The following DPP6 variants were observed in gnomAD, a reference collection of about 807,000 sequenced individuals.
DPP6 encodes the protein dipeptidyl peptidase like 6.
A neutral mutation model predicts 122.6 loss-of-function variants in DPP6; 69 were observed. The observed-to-expected ratio is 0.56, with a 90% CI of 0.46 to 0.69. The LOEUF is 0.69. Among genes scored for constraint, DPP6 ranks in the 30% least tolerant of loss-of-function variants. DPP6 has a pLI of 0.00. For missense variants in DPP6, 928 were observed against 1,116.9 expected (o/e 0.83, Z 2.41); for synonymous variants, 418 against 433.1 (o/e 0.97, Z 0.43).
chr7:154,350,309 C>T (rs921731837), intron 1 of DPP6, among the ~76,000 whole-genome samples: 6 of 152,086 alleles, frequency 3.9e-5, no homozygotes, highest in African/African-American at 9.7e-5. Context: ...GGGAGGAACA[C>T]GGCCTTGAAG....
At chr7:153,757,041 G>A in the DPP6 span, among the ~76,000 whole-genome samples, 3 of 145,286 alleles carry the variant, frequency 2.1e-5, no homozygotes, top group Non-Finnish European at 4.5e-5. Flanking sequence ...ACCTCATGAA[G>A]GAAATAGAGT....
chr7:154,544,047 T>C (rs1432933162), intron 4 of DPP6, among the ~76,000 whole-genome samples: 2 of 147,522 alleles, frequency 1.4e-5, no homozygotes, highest in African/African-American at 2.5e-5. Flanking sequence ...TAAAATTCTA[T>C]GATGATTATA....
chr7:154,774,832 G>A (rs1290832281), intron 10 of DPP6, among the ~76,000 whole-genome samples: 1 of 152,210 alleles, frequency 6.6e-6, no homozygotes, highest in Non-Finnish European at 1.5e-5. Context: ...CCTGGATCCT[G>A]AAGAAGTCAT....
chr7:154,560,837 C>T (rs180858305), intron 4 of DPP6, among the ~76,000 whole-genome samples: 9 of 149,708 alleles, frequency 6.0e-5, no homozygotes, highest in Admixed American at 5.3e-4. Context: ...GAACTGAGAT[C>T]ATGCCACTGC....
intron 1 of DPP6, among the ~76,000 whole-genome samples, chr7:153,904,009 G>A (rs1040378463): frequency 6.6e-6 from 1 of 152,084 alleles, no homozygotes; most frequent in Admixed American, 6.6e-5. Context: ...GAGCAGGTGG[G>A]AAAGTATTTT....
intron 1 of DPP6, among the ~76,000 whole-genome samples, chr7:154,144,523 C>T (rs1167547751): frequency 4.6e-5 from 7 of 151,830 alleles, no homozygotes; most frequent in African/African-American, 1.4e-4. Flanking sequence ...AACCATCTTT[C>T]CTAAAACTAT....
chr7:154,665,444 G>C (rs988412620), intron 6 of DPP6, among the ~76,000 whole-genome samples: 2 of 152,132 alleles, frequency 1.3e-5, no homozygotes, highest in African/African-American at 4.8e-5. Flanking sequence ...TGAGTCATTA[G>C]AAACTCCTTT....
chr7:154,539,772 A>G (rs1318635069), intron 3 of DPP6, among the ~76,000 whole-genome samples: 1 of 148,750 alleles, frequency 6.7e-6, no homozygotes, highest in Non-Finnish European at 1.5e-5. Flanking sequence ...TGATGAAATA[A>G]ACATTTTTTT....
At chr7:154,171,766 C>A (rs1444103435) in intron 1 of DPP6, among the ~76,000 whole-genome samples, 1 of 151,996 alleles carries the variant, frequency 6.6e-6, no homozygotes, top group Non-Finnish European at 1.5e-5. Context: ...CAGAAGAGTC[C>A]AAGGGTCCTC....
At chr7:154,148,869 G>A (rs1796260315) in intron 1 of DPP6, among the ~76,000 whole-genome samples, 1 of 152,162 alleles carries the variant, frequency 6.6e-6, no homozygotes, top group South Asian at 2.1e-4. Flanking sequence ...CAGCCACCAT[G>A]TGGGTCAATA....
chr7:154,550,197 T>C (rs1829527220), intron 4 of DPP6, among the ~76,000 whole-genome samples: 1 of 152,232 alleles, frequency 6.6e-6, no homozygotes. Context: ...AGTTAGTCAT[T>C]ATTTCAAGTT....
intron 1 of DPP6, among the ~76,000 whole-genome samples, chr7:153,941,388 G>C (rs1801689117): frequency 6.6e-6 from 1 of 152,188 alleles, no homozygotes; most frequent in African/African-American, 2.4e-5. Context: ...CATGGTGGGA[G>C]GTGGTGCTGG....
rs369736838 is a variant in DPP6, at chr7:154,892,672, C to T, written c.*192C>T. 5 of 1,190,314 alleles carry T rather than the reference C, an allele frequency of 4.2e-6. No individual in the cohort carries two copies. In the African/African-American group the frequency reaches 7.5e-5, roughly 18 times the overall value. 73.7% of individuals were successfully genotyped at this position (1,190,314 alleles called of 1,614,324 possible). A position where few individuals can be genotyped will look rare whatever the true frequency, so the allele number is the denominator to read the frequency against. On this transcript the variant is annotated 3_prime_UTR_variant, in exon 26 of 26. Transcript: ENST00000377770. ...CCTTCCCCGGGGTCATCACTCACGG[C>T]CTCCATGGCACCAGGGACAACGCTG... is the stretch of plus-strand genomic sequence containing the variant.
chr7:154,245,635 C>CAAAAAAAAAAAAAAAAAAAA lies in DPP6; in HGVS notation c.243+192589_243+192590insAAAAAAAAAAAAAAAAAAAA, dbSNP rs71182888. Reference sequence around the variant, plus strand: ...CTGGGCAACAAGAGTAAGACTGTCTCAAAAAAAAAAAAAAAAAGCTATGGC... The same window carrying CAAAAAAAAAAAAAAAAAAAA: ...CTGGGCAACAAGAGTAAGACTGTCTCAAAAAAAAAAAAAAAAAAAAAAAAAAAAAAAAAAAAAGCTATGGC... On this transcript the variant is annotated intron_variant, in intron 1 of 25. Coordinates refer to ENST00000377770, the MANE Select transcript of DPP6 (RefSeq NM_130797.4). Among the ~76,000 whole-genome samples, 21 of 100,642 alleles carry CAAAAAAAAAAAAAAAAAAAA rather than the reference C, an allele frequency of 2.1e-4. 1 individual carries two copies. Among genetic ancestry groups the CAAAAAAAAAAAAAAAAAAAA allele is most frequent in the African/African-American group, 7.2e-4 (18 of 24,862 alleles). The allele number at this position is 100,642 out of a possible 152,430, so 66.0% of individuals were successfully genotyped here.
chr7:153,949,350 C>T (rs147707110), intron 1 of DPP6, among the ~76,000 whole-genome samples: 5 of 152,320 alleles, frequency 3.3e-5, no homozygotes, highest in Admixed American at 2.0e-4. Flanking sequence ...CAGAGCCCAG[C>T]CCTCATTTCC....
At chr7:154,334,005 TTAA>T (rs1809176344) in intron 1 of DPP6, among the ~76,000 whole-genome samples, 2 of 152,196 alleles carry the variant, frequency 1.3e-5, no homozygotes, top group Non-Finnish European at 2.9e-5. Flanking sequence ...TTTTTATAAC[TTAA>T]TAGTATAAAT....
intron 3 of DPP6, among the ~76,000 whole-genome samples, chr7:154,495,744 A>G (rs935556619): frequency 6.6e-6 from 1 of 152,166 alleles, no homozygotes; most frequent in Non-Finnish European, 1.5e-5. Context: ...TGCAGGAACC[A>G]GTGCGGGGAG....
At chr7:153,923,904 A>G (rs1585038833) in intron 1 of DPP6, among the ~76,000 whole-genome samples, 1 of 152,112 alleles carries the variant, frequency 6.6e-6, no homozygotes, top group African/African-American at 2.4e-5. Context: ...AGTATGGGAT[A>G]CAAAAGGATA....
At chr7:153,840,852 C>T in the DPP6 span, among the ~76,000 whole-genome samples, 2 of 152,176 alleles carry the variant, frequency 1.3e-5, no homozygotes, top group African/African-American at 4.8e-5. Context: ...CGTTTCCTTC[C>T]ACCCCGGTCC....
Sources: gnomAD v4.1 joint callset for allele counts (sites outside exome capture counted in the v4.1 genomes callset) on GRCh38, gnomAD v4.1.1 for gene constraint, MANE v1.5 for transcripts, NCBI Gene and HGNC (gene_info 2026-07-23, HGNC 2026-07-21) for gene names.